Variants in VCAN observed in about 807,000 individuals in gnomAD.
The protein encoded by VCAN is versican.
A neutral mutation model predicts 245.5 loss-of-function variants in VCAN; 44 were observed. The observed-to-expected ratio is 0.18, with a 90% CI of 0.14 to 0.23. VCAN has a LOEUF of 0.23. VCAN is among the 10% of genes least tolerant of loss of function. The probability of loss-of-function intolerance (pLI) is 1.00; values close to 1 mark genes in which losing one functional copy is unlikely to be tolerated. For synonymous variants in VCAN, 1,413 were observed against 1,437.0 expected, an observed-to-expected ratio of 0.98 and a Z score of 0.38; for missense variants, 3,793 against 4,057.9, an observed-to-expected ratio of 0.93 and a Z score of 1.77.
At chr5:83,473,609 G>A (rs1744279081) in intron 1 of VCAN, among the ~76,000 whole-genome samples, 1 of 152,202 alleles carries the variant, frequency 6.6e-6, no homozygotes, top group Non-Finnish European at 1.5e-5. Context: ...CAAGGCAGCA[G>A]GGAGGGAGGA....
intron 7 of VCAN, among the ~76,000 whole-genome samples, chr5:83,532,815 A>C (rs1244440857): frequency 6.6e-6 from 1 of 152,182 alleles, no homozygotes; most frequent in East Asian, 1.9e-4. Flanking sequence ...AAAAGGAAAC[A>C]AAATAATTTC....
intron 1 of VCAN, among the ~76,000 whole-genome samples, chr5:83,476,215 A>G (rs976922880): frequency 3.3e-5 from 5 of 152,264 alleles, no homozygotes; most frequent in African/African-American, 1.2e-4. Context: ...GCAAAGATCA[A>G]CTAACTCTGT....
At chr5:83,524,517 T>C (rs1227045564) in intron 7 of VCAN, among the ~76,000 whole-genome samples, 2 of 149,640 alleles carry the variant, frequency 1.3e-5, no homozygotes, top group Middle Eastern at 3.4e-3. Flanking sequence ...CCTACCTACC[T>C]TCCTACCTAC....
At chr5:83,563,058 C>T (rs553515437) in intron 12 of VCAN, among the ~76,000 whole-genome samples, 58 of 152,214 alleles carry the variant, frequency 3.8e-4, no homozygotes, top group African/African-American at 1.4e-3. Flanking sequence ...GTTTTTCTTC[C>T]CTTCAGCATA....
rs762605857 is a variant in VCAN, at chr5:83,541,598, T to A, written c.8595T>A (p.Phe2865Leu). Residue 2865 changes from phenylalanine to leucine, a missense_variant, in exon 8 of 15, where the codon TTT becomes TTA. Physicochemically the swap from Phe to Leu is conservative, Grantham distance 22 (BLOSUM62 0). Around this residue, in one of 5 missense-constraint regions of VCAN, gnomAD observed 3,182 missense variants for 3,250.3 expected, o/e 0.98. Transcript: ENST00000265077. ...GSSVMSPQDS[F>L]KEIHVNIEAT... ...CTGTAATGTCCCCACAGGATTCTTT[T>A]AAGGAAATTCATGTAAATATTGAAG... 14 of 1,613,898 alleles carry A rather than the reference T, an allele frequency of 8.7e-6. No homozygotes were observed. The highest frequency in any genetic ancestry group is 6.6e-5 in the South Asian group (6 of 91,082).
chr5:83,523,807 C>T (rs561778963), intron 7 of VCAN, among the ~76,000 whole-genome samples: 10 of 151,970 alleles, frequency 6.6e-5, no homozygotes, highest in East Asian at 1.9e-4. Context: ...TTCCATCTCT[C>T]GGAACTGGTG....
At chr5:83,556,345 G>A (rs149491051) in intron 12 of VCAN, among the ~76,000 whole-genome samples, 3 of 152,210 alleles carry the variant, frequency 2.0e-5, no homozygotes, top group Admixed American at 1.3e-4. Flanking sequence ...GTACCTCCTC[G>A]GCTTTAAAAA....
rs1157599790 is a variant in VCAN, at chr5:83,581,125, C to G, written c.*691C>G. 1 of 153,480 alleles carries G rather than the reference C, an allele frequency of 6.5e-6. No homozygotes were observed. The highest frequency in any genetic ancestry group is 2.4e-5 in the African/African-American group (1 of 41,408). 9.5% of individuals were successfully genotyped at this position (153,480 alleles called of 1,614,324 possible). On this transcript the variant is annotated 3_prime_UTR_variant, in exon 15 of 15. Coordinates refer to ENST00000265077, the MANE Select transcript of VCAN (RefSeq NM_004385.5). ...TGCTGCATTCCTTTTTCTTCACTTA[C>G]AAGAAAGGCCTGAATGGAGGACTTT...
chr5:83,479,255 G>A (rs1744529705), intron 1 of VCAN, among the ~76,000 whole-genome samples: 2 of 152,036 alleles, frequency 1.3e-5, no homozygotes, highest in Admixed American at 6.6e-5. Context: ...AAACCACCGT[G>A]TCTCTGTCCT....
At chr5:83,510,247 C>G (rs1470799042) in intron 5 of VCAN, among the ~76,000 whole-genome samples, 1 of 152,208 alleles carries the variant, frequency 6.6e-6, no homozygotes, top group Non-Finnish European at 1.5e-5. Context: ...ATTTGGCCTA[C>G]TTTCCTCAAT....
chr5:83,579,760 A>G (rs1748603957), intron 13 of VCAN, among the ~76,000 whole-genome samples: 1 of 152,172 alleles, frequency 6.6e-6, no homozygotes, highest in East Asian at 1.9e-4. Context: ...GGTTGTTTTA[A>G]TAAAACAAAT....
Position 83,521,558 on chromosome 5 carries a change from T to A in VCAN, c.3252T>A (p.Ser1084=), listed in dbSNP as rs762103427. ...TVSEDELLTG[S]ERVPVLETTP... is the part of the protein sequence containing the mutation. Reference sequence around the variant, plus strand: ...CTGAAGATGAATTGTTGACAGGTTCTGAGAGGGTCCCAGTTTTAGAAACAA... The same window carrying A: ...CTGAAGATGAATTGTTGACAGGTTCAGAGAGGGTCCCAGTTTTAGAAACAA... Residue 1084 remains serine (S), a synonymous_variant, in exon 7 of 15, where the codon TCT becomes TCA. Transcript: ENST00000265077. The A allele has an allele frequency of 6.2e-7, 1 of 1,614,054 alleles. No individual in the cohort carries two copies. The highest frequency in any genetic ancestry group is 1.1e-5 in the South Asian group (1 of 91,080).
At chr5:83,575,355 G>A (rs935857050) in intron 13 of VCAN, among the ~76,000 whole-genome samples, 2 of 152,156 alleles carry the variant, frequency 1.3e-5, no homozygotes, top group African/African-American at 4.8e-5. Flanking sequence ...GCACCTCTGC[G>A]ATGAGATTTG....
intron 1 of VCAN, among the ~76,000 whole-genome samples, chr5:83,476,312 C>T (rs1744388750): frequency 6.6e-6 from 1 of 152,158 alleles, no homozygotes. Flanking sequence ...CATCGGTAAA[C>T]ACTGTATTTA....
At position 83,558,063 on chromosome 5, in the gene VCAN, G is replaced by A. The variant is rs539499238; in HGVS notation, c.9735+3025G>A. On this transcript the variant is annotated intron_variant, in intron 12 of 14. Transcript: ENST00000265077. The stretch of plus-strand genomic sequence containing the variant: ...AGAACAGACCATCTGTCTTAGAGCC[G>A]GTCTCCCTCGCATTCAACTGATCTC... Among the ~76,000 whole-genome samples, 10 of 152,156 alleles carry A rather than the reference G, an allele frequency of 6.6e-5. No individual in the cohort carries two copies. In the East Asian group the frequency reaches 1.7e-3, roughly 26 times the overall value.
At chr5:83,532,433 G>T (rs1390332869) in intron 7 of VCAN, among the ~76,000 whole-genome samples, 2 of 152,040 alleles carry the variant, frequency 1.3e-5, no homozygotes, top group East Asian at 3.9e-4. Flanking sequence ...CCTGCTATGA[G>T]ATGTTAAAAG....
chr5:83,570,284 A>G (rs548840396), intron 12 of VCAN, among the ~76,000 whole-genome samples: 1 of 152,052 alleles, frequency 6.6e-6, no homozygotes, highest in African/African-American at 2.4e-5. Flanking sequence ...ACAAAAAAAC[A>G]ACTTCCTTAA....
At position 83,537,658 on chromosome 5, in the gene VCAN, C is replaced by T. The variant is rs771205475; in HGVS notation, c.4655C>T (p.Ala1552Val). ...CCTGAAGAGTCTTCAGGAGAGATTG[C>T]CATTGACCAAGAATCTCAGAAAATA... is the stretch of plus-strand genomic sequence containing the variant. ...LFPEESSGEIAIDQESQKIAF... is the reference protein window; with the variant it reads ...LFPEESSGEIVIDQESQKIAF... The change falls in exon 8 of 15, where the codon GCC becomes GTC. Residue 1552 changes from alanine to valine, a missense_variant. Ala to Val is a moderately conservative substitution (Grantham distance 64, BLOSUM62 0). This residue lies in a region of VCAN where 3,182 missense variants were observed against 3,250.3 expected (regional missense o/e 0.98). Coordinates refer to ENST00000265077, the MANE Select transcript of VCAN (RefSeq NM_004385.5). 1 of 1,613,732 alleles carries T rather than the reference C, an allele frequency of 6.2e-7. No homozygotes were observed. Among genetic ancestry groups the T allele is most frequent in the South Asian group, 1.1e-5 (1 of 91,078 alleles).
chr5:83,506,544 A>G (rs1331974316), intron 5 of VCAN, among the ~76,000 whole-genome samples: 1 of 152,098 alleles, frequency 6.6e-6, no homozygotes, highest in Non-Finnish European at 1.5e-5. Flanking sequence ...TTTTGGGCAA[A>G]GCCATTCAAC....
Sources: gnomAD v4.1 joint callset for allele counts (sites outside exome capture counted in the v4.1 genomes callset) on GRCh38, gnomAD v4.1.1 for gene constraint, gnomAD v4.1.1 regional missense constraint, MANE v1.5 for transcripts, NCBI Gene and HGNC (gene_info 2026-07-23, HGNC 2026-07-21) for gene names.